Variants in SGCZ observed in about 807,000 individuals in gnomAD.
The protein encoded by SGCZ is zeta-sarcoglycan.
SGCZ carries 40 observed loss-of-function variants against 41.3 expected under a neutral mutation model. The ratio of observed to expected loss-of-function variants is 0.97; its 90% CI spans 0.75 to 1.26. The LOEUF (loss-of-function observed/expected upper bound fraction) is 1.26, where lower values mean the gene tolerates loss of function less well. Among genes scored for constraint, SGCZ ranks in the 50% most tolerant of loss-of-function variants. The probability of loss-of-function intolerance (pLI) is 0.00; values close to 1 mark genes in which losing one functional copy is unlikely to be tolerated. For missense variants in SGCZ, 552 were observed against 369.8 expected, an observed-to-expected ratio of 1.49 and a Z score of -4.04; for synonymous variants, 206 against 137.5, an observed-to-expected ratio of 1.50 and a Z score of -3.49.
chr8:14,899,675 A>G (rs761430120), intron 1 of SGCZ, among the ~76,000 whole-genome samples: 1 of 152,142 alleles, frequency 6.6e-6, no homozygotes, highest in Non-Finnish European at 1.5e-5. Flanking sequence ...AAGTAATACA[A>G]TCAGGTTCTT....
chr8:14,126,988 G>T (rs186299288), intron 5 of SGCZ, among the ~76,000 whole-genome samples: 1 of 151,964 alleles, frequency 6.6e-6, no homozygotes, highest in Non-Finnish European at 1.5e-5. Flanking sequence ...GGGGGTCAGG[G>T]GGAGGGAGAG....
intron 1 of SGCZ, among the ~76,000 whole-genome samples, chr8:14,975,928 T>A (rs1801459416): frequency 6.7e-6 from 1 of 148,156 alleles, no homozygotes; most frequent in Admixed American, 6.8e-5. Flanking sequence ...AAACATTGTT[T>A]ATATTTTTCA....
chr8:14,558,421 A>G (rs1804098505), intron 1 of SGCZ, among the ~76,000 whole-genome samples: 1 of 152,014 alleles, frequency 6.6e-6, no homozygotes, highest in African/African-American at 2.4e-5. Flanking sequence ...CCAAAAATAT[A>G]AAAATTAGCT....
chr8:15,017,632 T>C (rs1803088374), intron 1 of SGCZ, among the ~76,000 whole-genome samples: 1 of 152,002 alleles, frequency 6.6e-6, no homozygotes, highest in Non-Finnish European at 1.5e-5. Context: ...AAGTCTCCCA[T>C]GTAGCTGGGA....
intron 1 of SGCZ, among the ~76,000 whole-genome samples, chr8:14,568,939 T>C (rs907052535): frequency 6.6e-6 from 1 of 152,218 alleles, no homozygotes; most frequent in Non-Finnish European, 1.5e-5. Flanking sequence ...AGTGAAATTG[T>C]ATTTGAGTCA....
At chr8:14,966,061 G>T (rs1456268224) in intron 1 of SGCZ, among the ~76,000 whole-genome samples, 2 of 151,894 alleles carry the variant, frequency 1.3e-5, no homozygotes, top group African/African-American at 4.8e-5. Flanking sequence ...ATTTACTTAT[G>T]TCAACAAGAC....
At chr8:14,517,173 A>G (rs1802647143) in intron 2 of SGCZ, among the ~76,000 whole-genome samples, 1 of 151,988 alleles carries the variant, frequency 6.6e-6, no homozygotes, top group African/African-American at 2.4e-5. Context: ...TAAATGTGAC[A>G]TGAGGGGATG....
intron 3 of SGCZ, among the ~76,000 whole-genome samples, chr8:14,305,213 A>G (rs533977092): frequency 6.6e-6 from 1 of 152,332 alleles, no homozygotes; most frequent in Admixed American, 6.5e-5. Flanking sequence ...CTACCAATAT[A>G]ACTATCATAT....
chr8:15,083,955 G>A (rs368133691), intron 1 of SGCZ, among the ~76,000 whole-genome samples: 38 of 151,630 alleles, frequency 2.5e-4, no homozygotes, highest in South Asian at 6.2e-4. Context: ...AGATTGCTGC[G>A]TTCTAGTCCT....
At chr8:14,717,867 CTG>C (rs1471767794) in intron 1 of SGCZ, among the ~76,000 whole-genome samples, 1 of 151,926 alleles carries the variant, frequency 6.6e-6, no homozygotes, top group Admixed American at 6.6e-5. Flanking sequence ...TCTCCTATAA[CTG>C]TGATTTTCCA....
intron 1 of SGCZ, among the ~76,000 whole-genome samples, chr8:14,705,578 GTTTC>G (rs1219209574): frequency 6.6e-6 from 1 of 151,890 alleles, no homozygotes; most frequent in East Asian, 1.9e-4. Context: ...AGATCAAAAT[GTTTC>G]TATTTTCCTA....
At chr8:14,958,238 C>G (rs978565583) in intron 1 of SGCZ, among the ~76,000 whole-genome samples, 3 of 151,802 alleles carry the variant, frequency 2.0e-5, no homozygotes, top group Non-Finnish European at 2.9e-5. Flanking sequence ...CAAGTTTACC[C>G]TCCTAGGTTT....
At chr8:14,503,712 G>A (rs905764554) in intron 2 of SGCZ, among the ~76,000 whole-genome samples, 2 of 150,472 alleles carry the variant, frequency 1.3e-5, no homozygotes, top group South Asian at 2.1e-4. Flanking sequence ...AGGTTGCAGT[G>A]AGCCGAGATC....
In SGCZ at chr8:15,180,903, G is replaced by A. The variant is rs559544763; in HGVS notation, c.39+56682C>T. Among the ~76,000 whole-genome samples, 13 of 151,388 alleles carry A rather than the reference G, an allele frequency of 8.6e-5. No individual in the cohort carries two copies. The South Asian group carries it at 2.7e-3, about 32-fold the overall frequency. On this transcript the variant is annotated intron_variant, in intron 1 of 7. Transcript: ENST00000382080. Reference sequence around the variant, plus strand: ...CTCCATCTCAAAAAAAAAAAAGAGAGGGAAAAAGACAGGATACCAGCACAT... The same window carrying A: ...CTCCATCTCAAAAAAAAAAAAGAGAAGGAAAAAGACAGGATACCAGCACAT...
chr8:14,584,444 T>G (rs55942432), intron 1 of SGCZ, among the ~76,000 whole-genome samples: 45,039 of 151,878 alleles, frequency 0.3, 6,882 homozygotes, highest in African/African-American at 0.33. Flanking sequence ...TAATGCATGT[T>G]TAACAGAGAA....
intron 1 of SGCZ, among the ~76,000 whole-genome samples, chr8:14,837,290 A>G (rs921063323): frequency 6.6e-6 from 1 of 152,212 alleles, no homozygotes; most frequent in Non-Finnish European, 1.5e-5. Context: ...ACAATGAAGA[A>G]ATGATCCATG....
chr8:14,473,576 T>C (rs899205475), intron 2 of SGCZ, among the ~76,000 whole-genome samples: 2 of 152,190 alleles, frequency 1.3e-5, no homozygotes, highest in African/African-American at 4.8e-5. Flanking sequence ...TGATAGGTAT[T>C]AGTGAAAACA....
intron 1 of SGCZ, among the ~76,000 whole-genome samples, chr8:14,737,178 T>G (rs987621333): frequency 1.3e-5 from 2 of 149,356 alleles, no homozygotes; most frequent in Non-Finnish European, 3.0e-5. Flanking sequence ...ATATATATCA[T>G]ACATATATAT....
intron 3 of SGCZ, among the ~76,000 whole-genome samples, chr8:14,247,161 T>C (rs548362169): frequency 2.0e-5 from 3 of 152,226 alleles, no homozygotes; most frequent in South Asian, 2.1e-4. Flanking sequence ...CTGATACTTT[T>C]ATTGAGAATT....
Sources: allele counts gnomAD v4.1 joint callset (sites outside exome capture counted in the v4.1 genomes callset), GRCh38; gene constraint gnomAD v4.1.1; transcripts MANE v1.5; gene names NCBI Gene and HGNC (gene_info 2026-07-23, HGNC 2026-07-21).